Variants in HCCS observed in about 807,000 individuals in gnomAD.
HCCS encodes holocytochrome c synthase, also known as holocytochrome c-type synthase.
In HCCS, 2 loss-of-function variants were observed where a neutral mutation model predicts 24.2. The ratio of observed to expected loss-of-function variants is 0.08; its 90% CI spans 0.03 to 0.26. HCCS has a LOEUF of 0.26. Ranked by LOEUF, HCCS falls within the 10% of genes least tolerant of loss-of-function variation. HCCS has a pLI of 1.00. For missense variants in HCCS, 150 were observed against 213.3 expected (o/e 0.70, Z 1.85); for synonymous variants, 73 against 76.2 (o/e 0.96, Z 0.22).
intron 6 of HCCS, 48 bp downstream of exon 6, chrX:11,121,041 C>T (rs1357136112): frequency 1.0e-6 from 1 of 998,804 alleles, no homozygotes; most frequent in South Asian, 1.9e-5. Flanking sequence ...AGGTCAGGGT[C>T]AACTTTCTCT....
chrX:11,121,344 C>G (rs970500335), intron 6 of HCCS, among the ~76,000 whole-genome samples: 1 of 112,512 alleles, frequency 8.9e-6, no homozygotes, highest in Non-Finnish European at 1.9e-5. Flanking sequence ...TCTGCAGTAT[C>G]TCAGCTGACC....
Position 11,122,977 on chromosome X carries a change from G to A in HCCS, c.*1167G>A, listed in dbSNP as rs1290415308. On this transcript the variant is annotated 3_prime_UTR_variant, in exon 7 of 7. Transcript: ENST00000380762. ...AGTCTGTGGGTGATTAATTTGGTAT[G>A]GATTTGTCAGTTTTGTGTGGAGTTT... The A allele has an allele frequency of 9.0e-6, 1 of 110,839 alleles. No homozygotes were observed. Among genetic ancestry groups the A allele is most frequent in the East Asian group, 2.8e-4 (1 of 3,535 alleles). The allele number at this position is 110,839 out of a possible 1,213,427, so 9.1% of individuals were successfully genotyped here.
chrX:11,118,261 G>C (rs2045464346), intron 4 of HCCS: 2 of 423,618 alleles, frequency 4.7e-6, no homozygotes, highest in Non-Finnish European at 8.6e-6. Flanking sequence ...ATGAGACTAA[G>C]GTGAACCTTT....
Position 11,121,917 on chromosome X carries a change from G to A in HCCS, c.*107G>A, listed in dbSNP as rs922103878. 2.4e-5 allele frequency: 15 copies of A among 627,710 alleles called. No homozygotes were observed. The Admixed American group carries it at 3.2e-4, about 13-fold the overall frequency. 51.7% of individuals were successfully genotyped at this position (627,710 alleles called of 1,213,427 possible). ...CATGATGTAATGGGAACTTCAAGTG[G>A]GTAATCACACTTTTTCCTTCACTTA... On this transcript the variant is annotated 3_prime_UTR_variant, in exon 7 of 7. Transcript: ENST00000380762.
rs187244725 is a variant in HCCS, at chrX:11,123,043, T to G, written c.*1233T>G. On this transcript the variant is annotated 3_prime_UTR_variant, in exon 7 of 7. Transcript: ENST00000380762. ...CTTAAACTCTACATTTCAAAATACTTGTATATTTTAAAATAAAGCTGATTA... is the reference window on the plus strand; with the variant it reads ...CTTAAACTCTACATTTCAAAATACTGGTATATTTTAAAATAAAGCTGATTA... 1 of 112,005 alleles carries G rather than the reference T, an allele frequency of 8.9e-6. No homozygotes were observed. Among genetic ancestry groups the G allele is most frequent in the East Asian group, 2.8e-4 (1 of 3,562 alleles). 9.2% of individuals were successfully genotyped at this position (112,005 alleles called of 1,213,427 possible).
rs143054926 is a variant in HCCS at position 11,113,239 on chromosome X, C to G, written c.100+1079C>G. On this transcript the variant is annotated intron_variant, in intron 2 of 6. Coordinates refer to ENST00000380762, the MANE Select transcript of HCCS (RefSeq NM_005333.5). ...TTGCGCTGTTATTCATTTCTTCAGT[C>G]AGCCAGCCTATTCTGAGAGGTCACT... 9.1e-3 allele frequency among the ~76,000 whole-genome samples: 1,024 copies of G among 112,147 alleles called. 10 individuals are homozygous for G. The highest frequency in any genetic ancestry group is 0.031 in the African/African-American group (971 of 30,845).
chrX:11,117,459 A>T, intron 4 of HCCS, 44 bp downstream of exon 4: 1 of 1,077,491 alleles, frequency 9.3e-7, no homozygotes, highest in Admixed American at 2.2e-5. Flanking sequence ...TTGTCAGAAT[A>T]TCCAAGAGTT....
chrX:11,113,644 A>C (rs189483534), intron 2 of HCCS, among the ~76,000 whole-genome samples: 49 of 112,353 alleles, frequency 4.4e-4, no homozygotes, highest in Non-Finnish European at 8.3e-4. Flanking sequence ...CATTTGCTGT[A>C]TATCTTGGAG....
Position 11,117,267 on chromosome X carries a change from A to G in HCCS, c.253A>G (p.Met85Val), listed in dbSNP as rs752050558. The part of the protein sequence containing the change: ...NKENLDPSNL[M>V]PPPNQTPAPD... ...AAGCAAATCTGTTCATTTTATTTAGATGCCACCACCAAATCAAACACCAGC... is the reference window on the plus strand; with the variant it reads ...AAGCAAATCTGTTCATTTTATTTAGGTGCCACCACCAAATCAAACACCAGC... The change falls in exon 4 of 7, where the codon ATG (methionine) becomes GTG (valine). Residue 85 changes from methionine (M) to valine (V), a missense_variant and splice_region_variant. Coordinates refer to ENST00000380762, the MANE Select transcript of HCCS (RefSeq NM_005333.5). 3 of 1,208,176 alleles carry G rather than the reference A, an allele frequency of 2.5e-6. No homozygotes were observed. The South Asian group carries it at 5.3e-5, about 21-fold the overall frequency.
At chrX:11,121,053 C>A (rs2045488052) in intron 6 of HCCS, 60 bp downstream of exon 6, 1 of 892,409 alleles carries the variant, frequency 1.1e-6, no homozygotes, top group South Asian at 2.0e-5. Flanking sequence ...ACTTTCTCTT[C>A]ACACCAAAAC....
chrX:11,117,409 A>G lies in HCCS; in HGVS notation c.395A>G (p.Lys132Arg), dbSNP rs1294336920. The G allele has an allele frequency of 1.1e-5, 13 of 1,202,210 alleles. No individual in the cohort carries two copies. The highest frequency in any genetic ancestry group is 1.7e-5 in the African/African-American group (1 of 57,181). ...SEQMFWNAML[K>R]KGWKWKDEDI... The stretch of plus-strand genomic sequence containing the variant: ...CAGATGTTCTGGAATGCAATGTTAA[A>G]GAAAGGGTGAGTGAACATATTATTT... Residue 132 changes from lysine (K) to arginine (R), a missense_variant, in exon 4 of 7, where the codon AAG becomes AGG. Physicochemically the swap from Lys to Arg is conservative, Grantham distance 26. Transcript: ENST00000380762.
chrX:11,120,171 G>T (rs1426291288), intron 5 of HCCS: 1 of 213,048 alleles, frequency 4.7e-6, no homozygotes, highest in Non-Finnish European at 8.7e-6. Flanking sequence ...AACAATATAG[G>T]TGGCCTGCTG....
chrX:11,111,804 A>G (rs922147584), intron 1 of HCCS, among the ~76,000 whole-genome samples: 3 of 111,880 alleles, frequency 2.7e-5, no homozygotes, highest in African/African-American at 9.8e-5. Flanking sequence ...CAAAATCCTC[A>G]CTGCCTTAGA....
chrX:11,112,619 T>G (rs957767932), intron 2 of HCCS, among the ~76,000 whole-genome samples: 2 of 112,791 alleles, frequency 1.8e-5, no homozygotes, highest in African/African-American at 6.5e-5. Context: ...AAGTTAACTC[T>G]GTTAGCCTCA....
intron 3 of HCCS, among the ~76,000 whole-genome samples, chrX:11,115,290 T>C (rs1030772397): frequency 1.3e-4 from 15 of 111,896 alleles, no homozygotes; most frequent in African/African-American, 4.9e-4. Flanking sequence ...GTAAGAACCA[T>C]AGCTAGAGTT....
intron 4 of HCCS, 96 bp from the exon 5 acceptor site, chrX:11,118,405 G>A (rs1190744274): frequency 1.3e-6 from 1 of 796,744 alleles, no homozygotes; most frequent in Non-Finnish European, 1.9e-6. Context: ...TTTCTCAAAG[G>A]GGAATGTTGA....
chrX:11,114,239 C>T (rs1437065236), intron 2 of HCCS, among the ~76,000 whole-genome samples: 4 of 113,091 alleles, frequency 3.5e-5, no homozygotes, highest in South Asian at 7.2e-4. Flanking sequence ...CCATAGGCCA[C>T]GTGGTTTTCC....
At chrX:11,115,652 G>A (rs997307021) in intron 3 of HCCS, among the ~76,000 whole-genome samples, 1 of 112,104 alleles carries the variant, frequency 8.9e-6, no homozygotes, top group Middle Eastern at 4.6e-3. Flanking sequence ...AAGGGCGTGG[G>A]GGATACAATA....
chrX:11,114,632 G>T (rs2147250336), intron 2 of HCCS, among the ~76,000 whole-genome samples: 1 of 112,580 alleles, frequency 8.9e-6, no homozygotes, highest in South Asian at 3.6e-4. Context: ...TTCTTTCAAA[G>T]GAAATGTAAA....
Sources: gnomAD v4.1 joint callset for allele counts (sites outside exome capture counted in the v4.1 genomes callset) on GRCh38, gnomAD v4.1.1 for gene constraint, MANE v1.5 for transcripts, NCBI Gene and HGNC (gene_info 2026-07-23, HGNC 2026-07-21) for gene names.